SSBP1: variants seen among roughly 807,000 people sequenced by gnomAD.
SSBP1 encodes single stranded DNA binding protein 1.
A neutral mutation model predicts 27.0 loss-of-function variants in SSBP1; 20 were observed. The observed-to-expected ratio is 0.74, with a 90% confidence interval of 0.52 to 1.08. The LOEUF is 1.08. Ranked by LOEUF, SSBP1 falls within the 50% of genes least tolerant of loss-of-function variation. The probability of loss-of-function intolerance (pLI) is 0.00; values close to 1 mark genes in which losing one functional copy is unlikely to be tolerated. For missense variants in SSBP1, 137 were observed against 182.4 expected (o/e 0.75, Z 1.44); for synonymous variants, 59 against 59.3 (o/e 1.00, Z 0.02).
intron 5 of SSBP1, among the ~76,000 whole-genome samples, chr7:141,745,145 T>C (rs1799728246): frequency 6.6e-6 from 1 of 152,314 alleles, no homozygotes; most frequent in African/African-American, 2.4e-5. Flanking sequence ...ATCAAGTCTG[T>C]TAGGGACTCC....
intron 4 of SSBP1, 51 bp from the exon 5 acceptor site, chr7:141,743,851 G>A (rs371743229): frequency 2.5e-4 from 400 of 1,576,270 alleles, no homozygotes; most frequent in Non-Finnish European, 3.3e-4. Context: ...GGTTTTCCTG[G>A]GCATGTTGTC....
Position 141,742,096 on chromosome 7 carries a change from G to A in SSBP1, c.25-73G>A, listed in dbSNP as rs1033539137. The A allele has an allele frequency of 3.4e-5, 38 of 1,117,988 alleles. No homozygotes were observed. In the Admixed American group the frequency reaches 5.5e-4, roughly 16 times the overall value. 69.3% of individuals were successfully genotyped at this position (1,117,988 alleles called of 1,614,324 possible). On this transcript the variant is annotated intron_variant, in intron 2 of 6. Transcript: ENST00000265304. ...ACTACTGACTATATGGTGAATGAAC[G>A]TGAGTAATTCTTCTGTTTGCATTTG...
At chr7:141,745,957 G>A in intron 6 of SSBP1, 1 of 1,005,580 alleles carries the variant, frequency 9.9e-7, no homozygotes, top group Non-Finnish European at 1.2e-6. Flanking sequence ...ATGTGAGTGT[G>A]CAGATTTATT....
At position 141,742,180 on chromosome 7, in the gene SSBP1, G is replaced by A; in HGVS notation, c.36G>A (p.Gln12=). The A allele has an allele frequency of 6.2e-7, 1 of 1,600,846 alleles. No individual in the cohort carries two copies. Among genetic ancestry groups the A allele is most frequent in the Non-Finnish European group, 8.6e-7 (1 of 1,169,300 alleles). Residue 12 remains glutamine, a synonymous_variant, in exon 3 of 7, where the codon CAG becomes CAA. Coordinates refer to ENST00000265304, the MANE Select transcript of SSBP1 (RefSeq NM_003143.3). ...TTGTTCTTCTTTAGGTACTTCGTCA[G>A]TTTGTAAGACATGAGTCCGAAACAA... ...FRRPVLQVLR[Q]FVRHESETTT...
At chr7:141,745,430 C>T in intron 5 of SSBP1, 66 bp from the exon 6 acceptor site, 2 of 1,388,320 alleles carry the variant, frequency 1.4e-6, no homozygotes, top group Non-Finnish European at 2.0e-6. Flanking sequence ...TCAGTACCAC[C>T]CTGACCTGAC....
At chr7:141,746,884 T>C (rs751255135) in intron 6 of SSBP1, among the ~76,000 whole-genome samples, 2 of 152,234 alleles carry the variant, frequency 1.3e-5, no homozygotes, top group Non-Finnish European at 2.9e-5. Flanking sequence ...AGCAATGTGA[T>C]ACCTACTATC....
At chr7:141,742,694 A>G (rs73520147) in intron 3 of SSBP1, among the ~76,000 whole-genome samples, 1,939 of 152,072 alleles carry the variant, frequency 0.013, 40 homozygotes, top group African/African-American at 0.045. Context: ...CTCTATGACT[A>G]TTTTCTTCTT....
Position 141,739,180 on chromosome 7 carries a change from C to T in SSBP1, c.14C>T (p.Pro5Leu). Reference protein sequence around the residue: MFRRPVLQVLRQFVR... With the variant: MFRRLVLQVLRQFVR... ...AAAATAGAAGCCATGTTTCGAAGACCTGTATTACAGGTAGTCACTTGTCTG... is the reference window on the plus strand; with the variant it reads ...AAAATAGAAGCCATGTTTCGAAGACTTGTATTACAGGTAGTCACTTGTCTG... Residue 5 changes from proline (P) to leucine (L), a missense_variant, in exon 2 of 7, where the codon CCT becomes CTT. Around this residue, in one of 2 missense-constraint regions of SSBP1, gnomAD observed 42 missense variants for 30.4 expected, o/e 1.38. Coordinates refer to ENST00000265304, the MANE Select transcript of SSBP1 (RefSeq NM_003143.3). 1 of 1,601,796 alleles carries T rather than the reference C, an allele frequency of 6.2e-7. No individual in the cohort carries two copies.
Position 141,750,317 on chromosome 7 carries a change from T to A in SSBP1, c.410T>A (p.Ile137Asn). 6.3e-7 allele frequency: 1 copy of A among 1,596,168 alleles called. No homozygotes were observed. The highest frequency in any genetic ancestry group is 8.5e-7 in the Non-Finnish European group (1 of 1,174,012). ...RQATTIIADNIIFLSDQTKEK... is the reference protein window; with the variant it reads ...RQATTIIADNNIFLSDQTKEK... ...CATTTTGGCTTTTTTACAGATAATA[T>A]TATATTTCTGAGTGACCAGACGAAA... Residue 137 changes from isoleucine to asparagine, a missense_variant, in exon 7 of 7, where the codon ATT becomes AAT. Coordinates refer to ENST00000265304, the MANE Select transcript of SSBP1 (RefSeq NM_003143.3).
At chr7:141,742,135 A>G (rs1242367903) in intron 2 of SSBP1, 34 bp from the exon 3 acceptor site, 14 of 1,545,738 alleles carry the variant, frequency 9.1e-6, no homozygotes, top group South Asian at 2.3e-5. Context: ...TTCCTAAAAA[A>G]TTAAAGCCAT....
At chr7:141,738,545 T>C (rs1799372837) in intron 1 of SSBP1, 135 bp downstream of exon 1, 1 of 152,740 alleles carries the variant, frequency 6.5e-6, no homozygotes, top group African/African-American at 2.4e-5. Context: ...GAGGACCGCG[T>C]GATTTCCTTC....
chr7:141,740,735 C>A (rs543227549), intron 2 of SSBP1: 4 of 152,106 alleles, frequency 2.6e-5, no homozygotes, highest in Non-Finnish European at 5.9e-5. Context: ...ATTTATTAGA[C>A]CTTTTTTGAT....
intron 6 of SSBP1, chr7:141,746,194 T>A: frequency 6.3e-6 from 1 of 159,884 alleles, no homozygotes; most frequent in Non-Finnish European, 1.3e-5. Flanking sequence ...CTAATTTTTG[T>A]AATTTTCGTA....
intron 2 of SSBP1, 149 bp from the exon 3 acceptor site, chr7:141,742,020 C>G: frequency 1.6e-6 from 1 of 634,562 alleles, no homozygotes; most frequent in East Asian, 2.8e-5. Context: ...TTCTGGCACT[C>G]TGTTGGGAGA....
intron 6 of SSBP1, 142 bp from the exon 7 acceptor site, chr7:141,750,169 T>C (rs1799911617): frequency 4.5e-6 from 3 of 660,602 alleles, no homozygotes; most frequent in South Asian, 3.7e-5. Flanking sequence ...CTCGTGAGCA[T>C]AGCAAGTGAT....
chr7:141,748,034 A>G lies in SSBP1; in HGVS notation c.404-2277A>G, dbSNP rs143417818. 0.012 allele frequency among the ~76,000 whole-genome samples: 1,716 copies of G among 143,652 alleles called. 66 individuals are homozygous for G. The South Asian group carries it at 0.15, about 13-fold the overall frequency. The allele number at this position is 143,652 out of a possible 152,430, so 94.2% of individuals were successfully genotyped here. On this transcript the variant is annotated intron_variant, in intron 6 of 6. Transcript: ENST00000265304. ...AAAAAAAAATTTTTTTTTTTTTACT[A>G]TGGAAAATGTCAAACATGTATAAGA... is the stretch of plus-strand genomic sequence containing the variant.
intron 6 of SSBP1, chr7:141,745,825 A>G (rs1164447636): frequency 1.6e-6 from 2 of 1,264,368 alleles, no homozygotes; most frequent in Non-Finnish European, 2.0e-6. Flanking sequence ...AATAAAGCCT[A>G]AAACTGAATT....
intron 2 of SSBP1, chr7:141,740,215 G>A (rs1452635575): frequency 6.6e-6 from 1 of 152,120 alleles, no homozygotes; most frequent in Non-Finnish European, 1.5e-5. Context: ...TTTCTTATCT[G>A]CCCTCTGCTC....
intron 6 of SSBP1, among the ~76,000 whole-genome samples, chr7:141,749,636 G>A (rs1298027190): frequency 6.6e-6 from 1 of 152,108 alleles, no homozygotes; most frequent in Non-Finnish European, 1.5e-5. Context: ...ACAAAAGTTA[G>A]CCAGGCATGG....
Sources: allele counts gnomAD v4.1 joint callset (sites outside exome capture counted in the v4.1 genomes callset), GRCh38; gene constraint gnomAD v4.1.1; regional missense constraint gnomAD v4.1.1; transcripts MANE v1.5; gene names NCBI Gene and HGNC (gene_info 2026-07-23, HGNC 2026-07-21).